Variants in TOPBP1 observed in about 807,000 individuals in gnomAD.
TOPBP1 encodes the protein DNA topoisomerase 2-binding protein 1.
In TOPBP1, 28 loss-of-function variants were observed where a neutral mutation model predicts 167.7. The observed-to-expected ratio is 0.17, with a 90% CI of 0.12 to 0.23. The LOEUF is 0.23. Among genes scored for constraint, TOPBP1 ranks in the 10% least tolerant of loss-of-function variants. The pLI, the probability that TOPBP1 is intolerant of heterozygous loss-of-function variation, is 1.00. For missense variants in TOPBP1, 1,554 were observed against 1,809.6 expected (o/e 0.86, Z 2.56); for synonymous variants, 598 against 611.4 (o/e 0.98, Z 0.32).
chr3:133,644,170 T>G lies in TOPBP1; in HGVS notation c.1698A>C (p.Glu566Asp), dbSNP rs746783730. The change falls in exon 11 of 28, where the codon GAA becomes GAC. Residue 566 changes from glutamate to aspartate, a missense_variant. Physicochemically the swap from Glu to Asp is conservative, Grantham distance 45. This residue lies in a region of TOPBP1 where 1,197 missense variants were observed against 1,351.5 expected (regional missense o/e 0.89). Transcript: ENST00000260810. The stretch of plus-strand genomic sequence containing the variant: ...TGATGTTTGCGATGTTAGATTCATT[T>G]TCATTACTAAAACCCAAAACAAGGA... Reference protein sequence around the residue: ...KSFLVLGFSNENESNIANIIK... With the variant: ...KSFLVLGFSNDNESNIANIIK... 1.2e-6 allele frequency: 2 copies of G among 1,613,948 alleles called. No individual in the cohort carries two copies. The highest frequency in any genetic ancestry group is 1.7e-6 in the Non-Finnish European group (2 of 1,179,868).
rs555978532 is a variant in TOPBP1, at chr3:133,623,308, T to C, written c.3075+3A>G. 45 of 1,613,610 alleles carry C rather than the reference T, an allele frequency of 2.8e-5. 1 individual carries two copies. The highest frequency in any genetic ancestry group is 2.5e-4 in the African/African-American group (19 of 75,056). On this transcript the variant is annotated splice_donor_region_variant and intron_variant, in intron 18 of 27. Transcript: ENST00000260810. ...GGGTAAATGTATCATCCATATCTCC[T>C]ACCTCATCATCCTTTGTTGAAGACA...
At chr3:133,626,625 T>A (rs1234563742) in intron 16 of TOPBP1, among the ~76,000 whole-genome samples, 1 of 152,182 alleles carries the variant, frequency 6.6e-6, no homozygotes, top group Non-Finnish European at 1.5e-5. Context: ...GGTATCTGAG[T>A]CCCCAGATCG....
intron 23 of TOPBP1, among the ~76,000 whole-genome samples, chr3:133,612,919 G>A (rs148249876): frequency 0.034 from 5,217 of 152,148 alleles, 132 homozygotes; most frequent in Non-Finnish European, 0.05. Context: ...CCAGACTGGA[G>A]TGCAGTGGCA....
At chr3:133,652,759 C>A in intron 7 of TOPBP1, 130 bp from the exon 8 acceptor site, 3 of 704,246 alleles carry the variant, frequency 4.3e-6, no homozygotes, top group Non-Finnish European at 6.8e-6. Context: ...GGGGTGTTTA[C>A]TGAAATCTTA....
chr3:133,601,717 A>G (rs922695927), intron 27 of TOPBP1, among the ~76,000 whole-genome samples: 2 of 152,210 alleles, frequency 1.3e-5, no homozygotes, highest in Non-Finnish European at 2.9e-5. Flanking sequence ...ATGTCACATA[A>G]CTAGCAGGTA....
chr3:133,618,180 T>C (rs1387120364), intron 21 of TOPBP1, 33 bp downstream of exon 21: 1 of 1,562,138 alleles, frequency 6.4e-7, no homozygotes, highest in Admixed American at 1.7e-5. Context: ...ATGTACTTAA[T>C]ACAAACAAAT....
chr3:133,643,350 G>C lies in TOPBP1; in HGVS notation c.1871C>G (p.Thr624Ser), dbSNP rs542112041. ...TWLVTCIDYQ[T>S]LFDPKSNPLF... is the part of the protein sequence containing the mutation. The stretch of plus-strand genomic sequence containing the variant: ...AGGATTCGACTTTGGATCAAACAAA[G>C]TCTGATAGTCTATGCAAGTAACCTT... Residue 624 changes from threonine (T) to serine (S), a missense_variant, in exon 12 of 28, where the codon ACT (threonine) becomes AGT (serine). This residue lies in a region of TOPBP1 where 1,197 missense variants were observed against 1,351.5 expected (regional missense o/e 0.89). Transcript: ENST00000260810. 1.9e-6 allele frequency: 3 copies of C among 1,596,020 alleles called. No homozygotes were observed. The highest frequency in any genetic ancestry group is 2.6e-6 in the Non-Finnish European group (3 of 1,173,944).
intron 14 of TOPBP1, among the ~76,000 whole-genome samples, chr3:133,634,775 A>C (rs1218377988): frequency 6.6e-6 from 1 of 152,214 alleles, no homozygotes; most frequent in Non-Finnish European, 1.5e-5. Context: ...AACTCAAGGA[A>C]TACTGTACAC....
At chr3:133,638,836 A>G (rs1242054794) in intron 13 of TOPBP1, among the ~76,000 whole-genome samples, 1 of 152,216 alleles carries the variant, frequency 6.6e-6, no homozygotes, top group African/African-American at 2.4e-5. Context: ...TGCCAGGCCT[A>G]GTGTTAGACA....
chr3:133,653,568 C>A, intron 6 of TOPBP1, 44 bp from the exon 7 acceptor site: 1 of 1,410,010 alleles, frequency 7.1e-7, no homozygotes, highest in Non-Finnish European at 9.4e-7. Context: ...TAGGAGAAAC[C>A]AAGAAATGAA....
intron 10 of TOPBP1, among the ~76,000 whole-genome samples, chr3:133,645,627 G>A (rs916776518): frequency 2.0e-5 from 3 of 152,036 alleles, no homozygotes; most frequent in African/African-American, 4.8e-5. Context: ...TGGTAAGATG[G>A]GAAGGAGGAA....
At chr3:133,624,028 G>T (rs751479754) in intron 17 of TOPBP1, 24 bp downstream of exon 17, 34 of 1,599,362 alleles carry the variant, frequency 2.1e-5, no homozygotes, top group South Asian at 3.4e-5. Context: ...TAACAGAGAT[G>T]GGGGGGAAAA....
At chr3:133,613,168 A>C (rs1934740434) in intron 23 of TOPBP1, among the ~76,000 whole-genome samples, 1 of 152,150 alleles carries the variant, frequency 6.6e-6, no homozygotes, top group African/African-American at 2.4e-5. Flanking sequence ...GTCCTGCTTA[A>C]CTATTTTAAA....
chr3:133,647,739 A>G (rs1936128483), intron 10 of TOPBP1, among the ~76,000 whole-genome samples: 1 of 152,170 alleles, frequency 6.6e-6, no homozygotes, highest in South Asian at 2.1e-4. Context: ...TGAAAAATTA[A>G]TTATTAAAAC....
At chr3:133,652,336 A>G in intron 8 of TOPBP1, 127 bp downstream of exon 8, 1 of 917,966 alleles carries the variant, frequency 1.1e-6, no homozygotes. Flanking sequence ...AAGTGCATCT[A>G]CTTAGCTAGA....
In TOPBP1 at chr3:133,601,403, G is replaced by A; in HGVS notation, c.4426-10C>T. On this transcript the variant is annotated splice_polypyrimidine_tract_variant and intron_variant, in intron 27 of 27. Coordinates refer to ENST00000260810, the MANE Select transcript of TOPBP1 (RefSeq NM_007027.4). ...CATGAGGAGGTGATTCCTATAAAAG[G>A]AAAAATAAGTGATTTTTTAAAATGA... is the stretch of plus-strand genomic sequence containing the variant. 2 of 1,462,388 alleles carry A rather than the reference G, an allele frequency of 1.4e-6. No individual in the cohort carries two copies. Among genetic ancestry groups the A allele is most frequent in the South Asian group, 1.4e-5 (1 of 72,836 alleles). The allele number at this position is 1,462,388 out of a possible 1,614,324, so 90.6% of individuals were successfully genotyped here.
intron 24 of TOPBP1, 58 bp from the exon 25 acceptor site, chr3:133,611,199 A>G: frequency 6.6e-7 from 1 of 1,510,348 alleles, no homozygotes; most frequent in African/African-American, 1.4e-5. Context: ...ACTGTGCAAC[A>G]TACAGGGCTC....
chr3:133,612,364 A>C, intron 24 of TOPBP1, 25 bp downstream of exon 24: 1 of 1,611,498 alleles, frequency 6.2e-7, no homozygotes, highest in Non-Finnish European at 8.5e-7. Flanking sequence ...AAGAAAAATA[A>C]ACTTCCACAA....
rs376001403 is a variant in TOPBP1, at chr3:133,610,944, T to C, written c.4173+60A>G. ...GAAGCACATTCTCTTTTAAAAAAAA[T>C]GTGAAAGAGTCACAATATTGAATGC... On this transcript the variant is annotated intron_variant, in intron 25 of 27. Transcript: ENST00000260810. 5.3e-4 allele frequency: 759 copies of C among 1,419,730 alleles called. 19 individuals carry two copies. The South Asian group carries it at 0.012, about 22-fold the overall frequency. 87.9% of individuals were successfully genotyped at this position (1,419,730 alleles called of 1,614,324 possible).
Sources: allele counts gnomAD v4.1 joint callset (sites outside exome capture counted in the v4.1 genomes callset), GRCh38; gene constraint gnomAD v4.1.1; regional missense constraint gnomAD v4.1.1; transcripts MANE v1.5; gene names NCBI Gene and HGNC (gene_info 2026-07-23, HGNC 2026-07-21).